The following AOX1 variants were observed in gnomAD, a reference collection of about 807,000 sequenced individuals.
The protein encoded by AOX1 is aldehyde oxidase.
Under a neutral mutation model 169.5 loss-of-function variants are expected in AOX1, and 153 were observed. That is an observed-to-expected ratio of 0.90 (90% CI 0.79 to 1.03). The LOEUF (loss-of-function observed/expected upper bound fraction) is 1.03. Among genes scored for constraint, AOX1 ranks in the 50% least tolerant of loss-of-function variants. The pLI is 0.00. For missense variants in AOX1, 1,656 were observed against 1,663.9 expected (o/e 1.00, Z 0.08); for synonymous variants, 562 against 581.9 (o/e 0.97, Z 0.49).
intron 24 of AOX1, among the ~76,000 whole-genome samples, chr2:200,641,818 G>A (rs2035357222): frequency 1.3e-5 from 2 of 152,214 alleles, no homozygotes; most frequent in African/African-American, 4.8e-5. Flanking sequence ...ACAGGCGTGA[G>A]CCACTGTGTC....
intron 12 of AOX1, among the ~76,000 whole-genome samples, chr2:200,609,678 T>G (rs904882138): frequency 6.6e-6 from 1 of 152,176 alleles, no homozygotes; most frequent in Non-Finnish European, 1.5e-5. Context: ...TTGGTTAATG[T>G]CCGGATGTGA....
chr2:200,648,861 G>A (rs2035519457), intron 25 of AOX1, among the ~76,000 whole-genome samples: 1 of 151,984 alleles, frequency 6.6e-6, no homozygotes, highest in Non-Finnish European at 1.5e-5. Context: ...GGTTGTTAGG[G>A]AAGTAGGGGA....
chr2:200,629,892 T>C lies in AOX1; in HGVS notation c.2221+2443T>C, dbSNP rs962809875. On this transcript the variant is annotated intron_variant, in intron 20 of 34. Transcript: ENST00000374700. ...TACTTGAATTTTTGTTATTGCTGCA[T>C]ACCCCATTGATAAGTATAAAAATGA... 3.0e-4 allele frequency among the ~76,000 whole-genome samples: 45 copies of C among 152,102 alleles called. 1 individual carries two copies. The highest frequency in any genetic ancestry group is 6.6e-4 in the Admixed American group (10 of 15,246).
chr2:200,673,553 T>C (rs2036055656), downstream of AOX1, among the ~76,000 whole-genome samples: 1 of 152,204 alleles, frequency 6.6e-6, no homozygotes, highest in Non-Finnish European at 1.5e-5. Context: ...CCCCTGACTA[T>C]TGCAATAATC....
chr2:200,602,266 TG>T lies in AOX1; in HGVS notation c.437-15del. 1 of 1,613,218 alleles carries T rather than the reference TG, an allele frequency of 6.2e-7. No individual in the cohort carries two copies. The highest frequency in any genetic ancestry group is 8.5e-7 in the Non-Finnish European group (1 of 1,179,426). On this transcript the variant is annotated splice_polypyrimidine_tract_variant and intron_variant, in intron 5 of 34. Coordinates refer to ENST00000374700, the MANE Select transcript of AOX1 (RefSeq NM_001159.4). ...ATCTGGGTCACTTGGCTAACAGAGC[TG>T]GGTTTTTCTCCTTCAGGTAACCTGT... is the stretch of plus-strand genomic sequence containing the variant.
rs2035569815 is a variant in AOX1, at chr2:200,651,031, A to C, written c.2905A>C (p.Asn969His). ...TCAAACACCCTACAAACAAGAGATC[A>C]ATGCCAAGAACCTAATCCAGTGTTG... Reference protein sequence around the residue: ...IDQTPYKQEINAKNLIQCWRE... With the variant: ...IDQTPYKQEIHAKNLIQCWRE... The change falls in exon 26 of 35, where the codon AAT becomes CAT. Residue 969 changes from asparagine (N) to histidine (H), a missense_variant. Asn to His is a moderately conservative substitution (Grantham distance 68). Transcript: ENST00000374700. 1 of 1,614,264 alleles carries C rather than the reference A, an allele frequency of 6.2e-7. No individual in the cohort carries two copies. Among genetic ancestry groups the C allele is most frequent in the Non-Finnish European group, 8.5e-7 (1 of 1,180,044 alleles).
In AOX1 at chr2:200,604,187, T is replaced by C. The variant is rs552166198; in HGVS notation, c.669+90T>C. 5.3e-4 allele frequency: 515 copies of C among 966,908 alleles called. 4 individuals are homozygous for C. In the South Asian group the frequency reaches 6.7e-3, roughly 13 times the overall value. The allele number at this position is 966,908 out of a possible 1,614,324, so 59.9% of individuals were successfully genotyped here. On this transcript the variant is annotated intron_variant, in intron 8 of 34. Transcript: ENST00000374700. The stretch of plus-strand genomic sequence containing the variant: ...GTTTATGGGTTCTCTCAAAAGCTGA[T>C]TGGCAAATAGGTGAGGCCTCTCTGT...
intron 1 of AOX1, among the ~76,000 whole-genome samples, chr2:200,588,725 G>GTTTTTTTTTTTTTTTTTTTTTT (rs1247445142): frequency 2.4e-5 from 1 of 40,882 alleles, no homozygotes; most frequent in African/African-American, 6.9e-5. Context: ...ACTAGAATAA[G>GTTTTTTTTTTTTTTTTTTTTTT]CTTTTTTTTT....
Position 200,597,525 on chromosome 2 carries a change from TTA to T in AOX1, c.309+23_309+24del. 6.4e-7 allele frequency: 1 copy of T among 1,552,404 alleles called. No homozygotes were observed. Reference sequence around the variant, plus strand: ...GTTCAGGTGAGGATGTGCCTCTTCCTTATAGGCTTTCTGTGCTTTAGAAACCT... The same window carrying T: ...GTTCAGGTGAGGATGTGCCTCTTCCTTAGGCTTTCTGTGCTTTAGAAACCT... On this transcript the variant is annotated intron_variant, in intron 4 of 34. Transcript: ENST00000374700.
At position 200,642,672 on chromosome 2, in the gene AOX1, G is replaced by C. The variant is rs542242703; in HGVS notation, c.2718G>C (p.Arg906=). The change falls in exon 25 of 35, where the codon CGG becomes CGC. Residue 906 remains arginine (R), a synonymous_variant. Transcript: ENST00000374700. ...ACAAGTTTCCCAATCTCCGCTGCCG[G>C]GGTTGGGCATGCAGAACCAACCTTC... ...NAYKFPNLRC[R]GWACRTNLPS... 3.3e-5 allele frequency: 53 copies of C among 1,614,120 alleles called. No homozygotes were observed. The South Asian group carries it at 5.5e-4, about 17-fold the overall frequency.
intron 18 of AOX1, among the ~76,000 whole-genome samples, chr2:200,621,846 G>C (rs1204866912): frequency 6.6e-6 from 1 of 152,102 alleles, no homozygotes; most frequent in Non-Finnish European, 1.5e-5. Flanking sequence ...TCCACCTCCT[G>C]GGTTCAAGCG....
At chr2:200,666,964 A>G (rs2105776106) in intron 32 of AOX1, among the ~76,000 whole-genome samples, 1 of 152,312 alleles carries the variant, frequency 6.6e-6, no homozygotes, top group East Asian at 1.9e-4. Context: ...AGAAACATAA[A>G]ATCTGTGACT....
rs143692548 is a variant in AOX1 at position 200,613,833 on chromosome 2, C to T, written c.1478C>T (p.Ala493Val). 1 of 1,612,468 alleles carries T rather than the reference C, an allele frequency of 6.2e-7. No homozygotes were observed. Residue 493 changes from alanine (A) to valine (V), a missense_variant, in exon 15 of 35, where the codon GCC (alanine) becomes GTC (valine). Ala to Val is a moderately conservative substitution (Grantham distance 64). Transcript: ENST00000374700. Reference sequence around the variant, plus strand: ...TGGAACGAACAGATGCTGGATATAGCCTGCAGGCTTATTCTGAATGAAGTC... The same window carrying T: ...TGGAACGAACAGATGCTGGATATAGTCTGCAGGCTTATTCTGAATGAAGTC... ...RHWNEQMLDI[A>V]CRLILNEVSL...
chr2:200,651,068 T>C lies in AOX1; in HGVS notation c.2942T>C (p.Met981Thr), dbSNP rs1165008496. ...KNLIQCWREC[M>T]AMSSYSLRKV... is the part of the protein sequence containing the mutation. The stretch of plus-strand genomic sequence containing the variant: ...CTAATCCAGTGTTGGAGAGAATGTA[T>C]GGCCATGTCTTCCTACTCCTTGAGG... The change falls in exon 26 of 35, where the codon ATG (methionine) becomes ACG (threonine). Residue 981 changes from methionine (M) to threonine (T), a missense_variant. Coordinates refer to ENST00000374700, the MANE Select transcript of AOX1 (RefSeq NM_001159.4). 2 of 1,614,112 alleles carry C rather than the reference T, an allele frequency of 1.2e-6. No homozygotes were observed. The highest frequency in any genetic ancestry group is 1.3e-5 in the African/African-American group (1 of 74,938).
At chr2:200,659,368 G>A (rs1372346606) in intron 28 of AOX1, 75 bp downstream of exon 28, 1 of 1,507,666 alleles carries the variant, frequency 6.6e-7, no homozygotes, top group Non-Finnish European at 9.0e-7. Flanking sequence ...GAGCTCCAAA[G>A]ATGCTGAGAG....
chr2:200,609,325 T>C lies in AOX1; in HGVS notation c.1064T>C (p.Leu355Ser). The change falls in exon 12 of 35, where the codon TTA (leucine) becomes TCA (serine). Residue 355 changes from leucine to serine, a missense_variant. Coordinates refer to ENST00000374700, the MANE Select transcript of AOX1 (RefSeq NM_001159.4). ...ATAACTCATTATTTTTAAAAGTCTT[T>C]AGGGGGACACATCATTAGCAGGCAT... ...AGSQIRNMAS[L>S]GGHIISRHPD... The C allele has an allele frequency of 1.2e-6, 2 of 1,613,792 alleles. No individual in the cohort carries two copies. The highest frequency in any genetic ancestry group is 1.7e-6 in the Non-Finnish European group (2 of 1,179,746).
At chr2:200,665,155 A>G (rs779709564) in intron 31 of AOX1, among the ~76,000 whole-genome samples, 51 of 152,254 alleles carry the variant, frequency 3.3e-4, no homozygotes, top group Non-Finnish European at 1.5e-4. Context: ...GACCAGCCCA[A>G]GAGAAAAAGA....
chr2:200,600,856 G>A (rs1284364646), intron 5 of AOX1, among the ~76,000 whole-genome samples: 1 of 151,966 alleles, frequency 6.6e-6, no homozygotes, highest in Admixed American at 6.6e-5. Flanking sequence ...AAGATTCCTG[G>A]GACCCACCCC....
In AOX1 at chr2:200,651,064, T is replaced by C; in HGVS notation, c.2938T>C (p.Cys980Arg). Residue 980 changes from cysteine (C) to arginine (R), a missense_variant, in exon 26 of 35, where the codon TGT becomes CGT. Coordinates refer to ENST00000374700, the MANE Select transcript of AOX1 (RefSeq NM_001159.4). ...AKNLIQCWRE[C>R]MAMSSYSLRK... ...GAACCTAATCCAGTGTTGGAGAGAA[T>C]GTATGGCCATGTCTTCCTACTCCTT... 6.2e-7 allele frequency: 1 copy of C among 1,614,194 alleles called. No homozygotes were observed. Among genetic ancestry groups the C allele is most frequent in the Non-Finnish European group, 8.5e-7 (1 of 1,180,026 alleles).
Sources: allele counts gnomAD v4.1 joint callset (sites outside exome capture counted in the v4.1 genomes callset), GRCh38; gene constraint gnomAD v4.1.1; transcripts MANE v1.5; gene names NCBI Gene and HGNC (gene_info 2026-07-23, HGNC 2026-07-21).